Variants in ADGRL2 observed in about 807,000 individuals in gnomAD.
ADGRL2 encodes adhesion G protein-coupled receptor L2, also known as calcium-independent alpha-latrotoxin receptor 2.
In ADGRL2, 44 loss-of-function variants were observed where a neutral mutation model predicts 157.4. The observed-to-expected ratio is 0.28, with a 90% CI of 0.22 to 0.36. ADGRL2 has a LOEUF of 0.36. ADGRL2 is among the 10% of genes least tolerant of loss of function. The probability of loss-of-function intolerance (pLI) is 1.00; values close to 1 mark genes in which losing one functional copy is unlikely to be tolerated. For synonymous variants in ADGRL2, 585 were observed against 624.7 expected, an observed-to-expected ratio of 0.94 and a Z score of 0.95; for missense variants, 1,510 against 1,768.9, an observed-to-expected ratio of 0.85 and a Z score of 2.63.
chr1:81,528,357 A>G (rs2079515783), intron 2 of ADGRL2, among the ~76,000 whole-genome samples: 1 of 151,980 alleles, frequency 6.6e-6, no homozygotes, highest in African/African-American at 2.4e-5. Flanking sequence ...TAGAATAGAA[A>G]CTGACCCGGC....
At chr1:81,494,035 C>A (rs1379928517) in intron 2 of ADGRL2, among the ~76,000 whole-genome samples, 1 of 152,140 alleles carries the variant, frequency 6.6e-6, no homozygotes, top group African/African-American at 2.4e-5. Flanking sequence ...TTGAAATCAG[C>A]TGAATGCTAG....
rs182525250 is a variant in ADGRL2 at position 81,666,465 on chromosome 1, C to T, written c.-143+85485C>T. Reference sequence around the variant, plus strand: ...TTGATTGGTAACTGCTGAAGGACATCATTAAACTCTCAGTGTTTGATTTCA... The same window carrying T: ...TTGATTGGTAACTGCTGAAGGACATTATTAAACTCTCAGTGTTTGATTTCA... On this transcript the variant is annotated intron_variant, in intron 3 of 24. Transcript: ENST00000370721. Among the ~76,000 whole-genome samples, 3 of 152,302 alleles carry T rather than the reference C, an allele frequency of 2.0e-5. No homozygotes were observed. In the East Asian group the frequency reaches 5.8e-4, roughly 29 times the overall value.
At chr1:81,887,854 C>T (rs966453399) in intron 2 of ADGRL2, among the ~76,000 whole-genome samples, 1 of 152,184 alleles carries the variant, frequency 6.6e-6, no homozygotes, top group African/African-American at 2.4e-5. Flanking sequence ...GCATATCAAA[C>T]AAATGATTAG....
chr1:81,381,547 T>A (rs1426497095), intron 1 of ADGRL2, among the ~76,000 whole-genome samples: 1 of 152,094 alleles, frequency 6.6e-6, no homozygotes, highest in Non-Finnish European at 1.5e-5. Context: ...CACTCCAGCC[T>A]TGGGGGCAGA....
chr1:81,810,991 T>C (rs1439519240), intron 1 of ADGRL2, among the ~76,000 whole-genome samples: 2 of 151,864 alleles, frequency 1.3e-5, no homozygotes, highest in African/African-American at 4.8e-5. Flanking sequence ...TAAATAGGAA[T>C]GTTCTCCCAC....
intron 11 of ADGRL2, 52 bp from the exon 12 acceptor site, chr1:81,966,006 A>T: frequency 6.3e-7 from 1 of 1,579,314 alleles, no homozygotes; most frequent in South Asian, 1.1e-5. Flanking sequence ...TCCTTAGTTA[A>T]CTCTTAAAGA....
Position 81,824,364 on chromosome 1 carries a change from T to C in ADGRL2, c.-100-12521T>C, listed in dbSNP as rs541331682. Among the ~76,000 whole-genome samples the C allele has an allele frequency of 7.2e-5, 11 of 152,332 alleles. No individual in the cohort carries two copies. In the East Asian group the frequency reaches 2.1e-3, roughly 29 times the overall value. On this transcript the variant is annotated intron_variant, in intron 1 of 23. Coordinates refer to ENST00000686636, the MANE Select transcript of ADGRL2 (RefSeq NM_001366006.2). ...ATCATAGCTCACTGTAGCGTGGAAC[T>C]CCTGGGCTCAAGCGATCCTTCCATC...
At chr1:81,356,351 G>A (rs903977521) in intron 1 of ADGRL2, among the ~76,000 whole-genome samples, 22 of 152,142 alleles carry the variant, frequency 1.4e-4, no homozygotes, top group African/African-American at 5.3e-4. Context: ...GTGGATCAAT[G>A]GAAACAATAT....
rs1244998394 is a variant in ADGRL2 at position 81,989,555 on chromosome 1, G to A, written c.3656-836G>A. ...GAAAAATAAAAGGCTGCTATTGCTG[G>A]TAATCTAATTTGTTGAACCCTTGCT... On this transcript the variant is annotated intron_variant, in intron 23 of 23. Transcript: ENST00000686636. The A allele has an allele frequency of 7.6e-6, 6 of 793,688 alleles. No individual in the cohort carries two copies. In the Admixed American group the frequency reaches 1.1e-4, roughly 15 times the overall value. The allele number at this position is 793,688 out of a possible 1,614,324, so 49.2% of individuals were successfully genotyped here.
intron 2 of ADGRL2, among the ~76,000 whole-genome samples, chr1:81,559,449 GTT>G (rs548031419): frequency 2.8e-5 from 4 of 140,716 alleles, no homozygotes; most frequent in East Asian, 2.1e-4. Flanking sequence ...TATGCTCCAT[GTT>G]TTTTTTTTTT....
At chr1:81,582,447 T>C (rs1256199364) in intron 3 of ADGRL2, among the ~76,000 whole-genome samples, 1 of 152,120 alleles carries the variant, frequency 6.6e-6, no homozygotes, top group Admixed American at 6.6e-5. Flanking sequence ...TGCTCGTTAG[T>C]GATTGTAATT....
intron 1 of ADGRL2, among the ~76,000 whole-genome samples, chr1:81,391,244 T>C (rs1262441912): frequency 6.6e-6 from 1 of 152,302 alleles, no homozygotes; most frequent in African/African-American, 2.4e-5. Context: ...GAGTGACATG[T>C]GGTTTGTGCT....
intron 2 of ADGRL2, among the ~76,000 whole-genome samples, chr1:81,795,217 A>G (rs1446244538): frequency 6.6e-6 from 1 of 151,974 alleles, no homozygotes; most frequent in Non-Finnish European, 1.5e-5. Flanking sequence ...CGTCTCTAGA[A>G]AAAATAAAAA....
intron 2 of ADGRL2, among the ~76,000 whole-genome samples, chr1:81,476,529 C>T (rs1472190218): frequency 5.3e-5 from 8 of 152,106 alleles, no homozygotes; most frequent in Non-Finnish European, 8.8e-5. Flanking sequence ...CACCTCAAGC[C>T]CAGATCCTTC....
chr1:81,864,065 C>T (rs2093464067), intron 2 of ADGRL2, among the ~76,000 whole-genome samples: 1 of 152,070 alleles, frequency 6.6e-6, no homozygotes, highest in African/African-American at 2.4e-5. Context: ...ATGAAAACCA[C>T]GTTAAAATTT....
At chr1:81,647,114 C>CA (rs1557533706) in intron 3 of ADGRL2, among the ~76,000 whole-genome samples, 1 of 151,780 alleles carries the variant, frequency 6.6e-6, no homozygotes, top group Non-Finnish European at 1.5e-5. Context: ...TTGGCAGTAG[C>CA]AAAAAAAATT....
At chr1:81,835,450 T>C (rs578112361) in intron 1 of ADGRL2, among the ~76,000 whole-genome samples, 9 of 152,284 alleles carry the variant, frequency 5.9e-5, no homozygotes, top group African/African-American at 1.9e-4. Context: ...GCAGGCACAT[T>C]GCTACAGCAG....
At chr1:81,688,714 C>A (rs900846944) in intron 3 of ADGRL2, among the ~76,000 whole-genome samples, 1 of 151,956 alleles carries the variant, frequency 6.6e-6, no homozygotes, top group East Asian at 1.9e-4. Flanking sequence ...TGCTGGTGAA[C>A]TAGTTTGATT....
chr1:81,677,181 C>T (rs533978058), intron 3 of ADGRL2, among the ~76,000 whole-genome samples: 6 of 152,074 alleles, frequency 3.9e-5, no homozygotes, highest in South Asian at 2.1e-4. Context: ...GAGGGGGTTT[C>T]GCCACATTGT....
Sources: allele counts gnomAD v4.1 joint callset (sites outside exome capture counted in the v4.1 genomes callset), GRCh38; gene constraint gnomAD v4.1.1; transcripts MANE v1.5; gene names NCBI Gene and HGNC (gene_info 2026-07-23, HGNC 2026-07-21).